NXN: variants seen among roughly 807,000 people sequenced by gnomAD.
NXN encodes the protein nucleoredoxin, also known as nucleoredoxin 1.
Under a neutral mutation model 48.6 loss-of-function variants are expected in NXN, and 16 were observed. The ratio of observed to expected loss-of-function variants is 0.33; its 90% CI spans 0.22 to 0.50. The LOEUF (loss-of-function observed/expected upper bound fraction) is 0.50. Among genes scored for constraint, NXN ranks in the 20% least tolerant of loss-of-function variants. The pLI, the probability that NXN is intolerant of heterozygous loss-of-function variation, is 0.98. For synonymous variants in NXN, 281 were observed against 269.6 expected (o/e 1.04, Z -0.41); for missense variants, 492 against 605.5 (o/e 0.81, Z 1.97).
chr17:934,211 T>C (rs1214659791), intron 1 of NXN, among the ~76,000 whole-genome samples: 6 of 151,462 alleles, frequency 4.0e-5, no homozygotes, highest in Admixed American at 1.3e-4. Context: ...TTTGGGAGGC[T>C]CAGGCAGGCG....
intron 1 of NXN, among the ~76,000 whole-genome samples, chr17:878,479 TGTGGGG>T (rs1567845168): frequency 1.3e-3 from 16 of 12,514 alleles, no homozygotes; most frequent in Non-Finnish European, 2.0e-3. Flanking sequence ...GAAGGTGGGG[TGTGGGG>T]GCAGGGGAGG....
In NXN at chr17:873,720, G is replaced by A. The variant is rs1234321664; in HGVS notation, c.361-47642C>T. 2.0e-5 allele frequency among the ~76,000 whole-genome samples: 3 copies of A among 151,962 alleles called. No homozygotes were observed. The South Asian group carries it at 6.2e-4, about 32-fold the overall frequency. ...TAATATCAATGGGTTGGTAGGAAAC[G>A]GCCTTCTCAGACCTATGAAAAAAAT... On this transcript the variant is annotated intron_variant, in intron 1 of 7. Coordinates refer to ENST00000336868, the MANE Select transcript of NXN (RefSeq NM_022463.5).
intron 5 of NXN, among the ~76,000 whole-genome samples, chr17:810,914 A>T (rs544940653): frequency 6.6e-6 from 1 of 152,162 alleles, no homozygotes; most frequent in Admixed American, 6.5e-5. Context: ...GACAAAACAC[A>T]TAAAAGAGAA....
At chr17:975,432 A>T (rs139539982) in intron 1 of NXN, among the ~76,000 whole-genome samples, 1 of 152,284 alleles carries the variant, frequency 6.6e-6, no homozygotes, top group African/African-American at 2.4e-5. Flanking sequence ...CCATAGGGCC[A>T]AAGGGATTCA....
chr17:953,690 G>A (rs143070282), intron 1 of NXN, among the ~76,000 whole-genome samples: 4 of 152,240 alleles, frequency 2.6e-5, no homozygotes, highest in African/African-American at 7.2e-5. Context: ...ACAGAGGCTC[G>A]TATCTGTCAT....
chr17:914,120 G>A (rs181598230), intron 1 of NXN, among the ~76,000 whole-genome samples: 2 of 151,854 alleles, frequency 1.3e-5, no homozygotes, highest in Admixed American at 6.6e-5. Context: ...GGCTGCTCTC[G>A]AACTCCCAAC....
At chr17:939,819 C>T (rs1475669036) in intron 1 of NXN, among the ~76,000 whole-genome samples, 2 of 152,146 alleles carry the variant, frequency 1.3e-5, no homozygotes, top group Non-Finnish European at 2.9e-5. Context: ...CCCCCACATG[C>T]TTTTTTTGTA....
intron 1 of NXN, among the ~76,000 whole-genome samples, chr17:969,265 A>T (rs2069343671): frequency 6.6e-6 from 1 of 152,140 alleles, no homozygotes; most frequent in Non-Finnish European, 1.5e-5. Flanking sequence ...TCTCCATTTT[A>T]CTCACCAGGA....
At chr17:806,184 A>C (rs923392338) in intron 5 of NXN, among the ~76,000 whole-genome samples, 1,272 of 19,376 alleles carry the variant, frequency 0.066, 45 homozygotes, top group Middle Eastern at 0.12. Flanking sequence ...CCCCAGCACA[A>C]CCCCCTCCCC....
At chr17:911,391 G>C (rs1436185176) in intron 1 of NXN, among the ~76,000 whole-genome samples, 1 of 142,044 alleles carries the variant, frequency 7.0e-6, no homozygotes, top group Non-Finnish European at 1.5e-5. Flanking sequence ...CCAGGCTGGA[G>C]TGCAGTGGCG....
intron 1 of NXN, among the ~76,000 whole-genome samples, chr17:868,636 C>A (rs510856): frequency 6.6e-6 from 1 of 151,904 alleles, no homozygotes. Context: ...GGACAACAGG[C>A]GCCCACCACC....
chr17:894,636 G>A (rs959603344), intron 1 of NXN, among the ~76,000 whole-genome samples: 2 of 151,472 alleles, frequency 1.3e-5, no homozygotes, highest in Admixed American at 1.3e-4. Context: ...GAAGCCAGAG[G>A]AAGCATCTCA....
chr17:824,282 C>T (rs1336338340), intron 2 of NXN, among the ~76,000 whole-genome samples: 1 of 152,038 alleles, frequency 6.6e-6, no homozygotes, highest in South Asian at 2.1e-4. Context: ...CTCCTGACCT[C>T]GTGATCCACC....
chr17:870,243 C>G (rs541748824), intron 1 of NXN, among the ~76,000 whole-genome samples: 1 of 152,148 alleles, frequency 6.6e-6, no homozygotes, highest in East Asian at 1.9e-4. Flanking sequence ...AGTTCTCCAG[C>G]CCAGGAATGC....
rs530948408 is a variant in NXN at position 872,949 on chromosome 17, A to C, written c.361-46871T>G. Among the ~76,000 whole-genome samples, 5 of 152,256 alleles carry C rather than the reference A, an allele frequency of 3.3e-5. No homozygotes were observed. The East Asian group carries it at 5.8e-4, about 18-fold the overall frequency. ...CAACATTTGAATCAGCAGACTCGGA[A>C]TATAAAGCAGACTGCTCTCCCCAGT... is the stretch of plus-strand genomic sequence containing the variant. On this transcript the variant is annotated intron_variant, in intron 1 of 7. Coordinates refer to ENST00000336868, the MANE Select transcript of NXN (RefSeq NM_022463.5).
intron 1 of NXN, among the ~76,000 whole-genome samples, chr17:928,190 C>G (rs1251123263): frequency 6.6e-6 from 1 of 152,138 alleles, no homozygotes; most frequent in Non-Finnish European, 1.5e-5. Context: ...GTGGGGGTCT[C>G]AAGAGCACAG....
In NXN at chr17:800,285, G is replaced by A. The variant is rs1911134288; in HGVS notation, c.*664C>T. ...TAAGTTTCTTGGGAAGATGTCCAAAGAGAAGGATTCGTTAACAGAATTTCA... is the reference window on the plus strand; with the variant it reads ...TAAGTTTCTTGGGAAGATGTCCAAAAAGAAGGATTCGTTAACAGAATTTCA... On this transcript the variant is annotated 3_prime_UTR_variant, in exon 8 of 8. Coordinates refer to ENST00000336868, the MANE Select transcript of NXN (RefSeq NM_022463.5). 6.6e-6 allele frequency: 1 copy of A among 152,290 alleles called. No homozygotes were observed. The highest frequency in any genetic ancestry group is 6.5e-5 in the Admixed American group (1 of 15,288). The allele number at this position is 152,290 out of a possible 1,614,324, so 9.4% of individuals were successfully genotyped here. A position where few individuals can be genotyped will look rare whatever the true frequency, so the allele number is the denominator to read the frequency against.
intron 5 of NXN, among the ~76,000 whole-genome samples, chr17:809,585 C>A (rs1405004790): frequency 2.6e-5 from 4 of 152,142 alleles, no homozygotes; most frequent in African/African-American, 9.7e-5. Context: ...GCAACGTGAT[C>A]TGAGGCAGCC....
At chr17:813,944 G>T (rs931295143) in intron 5 of NXN, among the ~76,000 whole-genome samples, 2 of 146,628 alleles carry the variant, frequency 1.4e-5, no homozygotes, top group Non-Finnish European at 3.0e-5. Context: ...CCAGCCTCTG[G>T]GTAACAGAGC....
Sources: gnomAD v4.1 joint callset for allele counts (sites outside exome capture counted in the v4.1 genomes callset) on GRCh38, gnomAD v4.1.1 for gene constraint, MANE v1.5 for transcripts, NCBI Gene and HGNC (gene_info 2026-07-23, HGNC 2026-07-21) for gene names.